The following TAF3 variants were observed in gnomAD, a reference collection of about 807,000 sequenced individuals.
TAF3 encodes the protein transcription initiation factor TFIID subunit 3.
TAF3 carries 7 observed loss-of-function variants against 80.6 expected under a neutral mutation model. The ratio of observed to expected loss-of-function variants is 0.09; its 90% CI spans 0.05 to 0.16. TAF3 has a LOEUF of 0.16. Ranked by LOEUF, TAF3 falls within the 10% of genes least tolerant of loss-of-function variation. The pLI, the probability that TAF3 is intolerant of heterozygous loss-of-function variation, is 1.00. For missense variants in TAF3, 921 were observed against 1,140.2 expected (o/e 0.81, Z 2.77); for synonymous variants, 444 against 446.1 (o/e 1.00, Z 0.06).
At position 7,830,022 on chromosome 10, in the gene TAF3, G is replaced by C. The variant is rs1588515056; in HGVS notation, c.409+5462G>C. 2.6e-5 allele frequency among the ~76,000 whole-genome samples: 4 copies of C among 152,272 alleles called. No individual in the cohort carries two copies. The East Asian group carries it at 5.8e-4, about 22-fold the overall frequency. The stretch of plus-strand genomic sequence containing the variant: ...AGTGAATTCGTTATGAAATGGAAGT[G>C]TCTCTTCACTTCCCTTCCTCCCCCT... On this transcript the variant is annotated intron_variant, in intron 2 of 6. Coordinates refer to ENST00000344293, the MANE Select transcript of TAF3 (RefSeq NM_031923.4).
intron 2 of TAF3, among the ~76,000 whole-genome samples, chr10:7,840,366 A>C (rs950650845): frequency 6.6e-6 from 1 of 151,780 alleles, no homozygotes. Context: ...GTTAGCCAGG[A>C]TGGTCTCGAT....
intron 2 of TAF3, among the ~76,000 whole-genome samples, chr10:7,845,694 G>T (rs1836962753): frequency 6.6e-6 from 1 of 152,166 alleles, no homozygotes; most frequent in South Asian, 2.1e-4. Flanking sequence ...TGAAGATGAA[G>T]AGCCTTACTC....
rs1832092857 is a variant in TAF3, at chr10:8,015,190, A to C, written c.*439A>C. 6.5e-6 allele frequency: 1 copy of C among 153,168 alleles called. No homozygotes were observed. The highest frequency in any genetic ancestry group is 2.0e-4 in the South Asian group (1 of 4,886). 9.5% of individuals were successfully genotyped at this position (153,168 alleles called of 1,614,324 possible). On this transcript the variant is annotated 3_prime_UTR_variant, in exon 7 of 7. Coordinates refer to ENST00000344293, the MANE Select transcript of TAF3 (RefSeq NM_031923.4). Reference sequence around the variant, plus strand: ...TTTTCAGCCCCTTTCCCTCTATAGTAAGATAATCAGAATAACATAAAAGAA... The same window carrying C: ...TTTTCAGCCCCTTTCCCTCTATAGTCAGATAATCAGAATAACATAAAAGAA...
At chr10:7,939,803 G>A (rs1837960436) in intron 2 of TAF3, among the ~76,000 whole-genome samples, 2 of 151,950 alleles carry the variant, frequency 1.3e-5, no homozygotes, top group African/African-American at 4.8e-5. Context: ...CGATAGGAGA[G>A]AAAAAAGTGT....
intron 2 of TAF3, among the ~76,000 whole-genome samples, chr10:7,901,151 A>G (rs1175582781): frequency 6.6e-6 from 1 of 152,246 alleles, no homozygotes; most frequent in Non-Finnish European, 1.5e-5. Context: ...TTGGCTGTCA[A>G]TGATTTTATT....
chr10:7,889,233 A>G (rs1837437593), intron 2 of TAF3, among the ~76,000 whole-genome samples: 1 of 152,116 alleles, frequency 6.6e-6, no homozygotes, highest in Admixed American at 6.6e-5. Context: ...TAGTATTGCT[A>G]GGGTTTTGTC....
intron 4 of TAF3, among the ~76,000 whole-genome samples, chr10:7,997,045 T>C (rs1441040689): frequency 6.6e-6 from 1 of 151,988 alleles, no homozygotes; most frequent in East Asian, 1.9e-4. Context: ...CTCAAGGTGG[T>C]TGGTATTTCT....
At chr10:7,933,644 A>G (rs937943443) in intron 2 of TAF3, among the ~76,000 whole-genome samples, 4 of 152,234 alleles carry the variant, frequency 2.6e-5, no homozygotes, top group African/African-American at 9.6e-5. Flanking sequence ...AATGTCCTCA[A>G]CGTTTGCACA....
rs937405100 is a variant in TAF3 at position 7,965,065 on chromosome 10, G to A, written c.1555G>A (p.Val519Met). The A allele has an allele frequency of 3.7e-6, 6 of 1,613,952 alleles. No individual in the cohort carries two copies. Among genetic ancestry groups the A allele is most frequent in the East Asian group, 2.2e-5 (1 of 44,876 alleles). The change falls in exon 3 of 7, where the codon GTG becomes ATG. Residue 519 changes from valine (V) to methionine (M), a missense_variant. Val to Met is a conservative substitution (Grantham distance 21). Transcript: ENST00000344293. ...GGAGAAAACCAAGCTGCCTTCCTCC[G>A]TGGAGGTAAAGAAGAAGTTGAAAAA... ...YEEKTKLPSSVEVKKKLKKEL... is the reference protein window; with the variant it reads ...YEEKTKLPSSMEVKKKLKKEL...
At chr10:7,977,117 A>G (rs1831680950) in intron 3 of TAF3, 124 bp from the exon 4 acceptor site, 1 of 816,006 alleles carries the variant, frequency 1.2e-6, no homozygotes, top group Non-Finnish European at 2.0e-6. Flanking sequence ...TTCTGTCTAA[A>G]TTTTAGCCAT....
intron 2 of TAF3, among the ~76,000 whole-genome samples, chr10:7,948,355 T>C (rs949925472): frequency 3.7e-4 from 57 of 152,028 alleles, no homozygotes; most frequent in Middle Eastern, 3.4e-3. Context: ...TCTTAAAGTG[T>C]TGGGATTACA....
intron 2 of TAF3, among the ~76,000 whole-genome samples, chr10:7,924,568 C>T (rs1187648506): frequency 6.6e-6 from 1 of 152,168 alleles, no homozygotes; most frequent in African/African-American, 2.4e-5. Context: ...TTAACCTTTC[C>T]TAACACGGAA....
At chr10:7,988,572 C>CA (rs58825999) in intron 4 of TAF3, among the ~76,000 whole-genome samples, 2,966 of 49,064 alleles carry the variant, frequency 0.06, 464 homozygotes, top group East Asian at 0.13. Context: ...GACCCTGTCT[C>CA]AAAAAAAAAA....
intron 1 of TAF3, among the ~76,000 whole-genome samples, chr10:7,823,011 G>A (rs1389316470): frequency 6.6e-6 from 1 of 152,026 alleles, no homozygotes; most frequent in Non-Finnish European, 1.5e-5. Context: ...TACTCAGAAG[G>A]TGAAGGTAGG....
chr10:7,952,558 A>G (rs1023522874), intron 2 of TAF3, among the ~76,000 whole-genome samples: 19 of 152,212 alleles, frequency 1.2e-4, no homozygotes, highest in African/African-American at 4.3e-4. Context: ...ATACAACAGT[A>G]TTAACATATA....
intron 2 of TAF3, among the ~76,000 whole-genome samples, chr10:7,905,415 A>G (rs1837598808): frequency 3.3e-5 from 5 of 152,220 alleles, no homozygotes; most frequent in Admixed American, 3.3e-4. Flanking sequence ...CTTTGTTTTC[A>G]TACACGATGA....
intron 1 of TAF3, among the ~76,000 whole-genome samples, chr10:7,823,922 C>T (rs1244469): frequency 0.18 from 26,983 of 150,336 alleles, 2,515 homozygotes; most frequent in South Asian, 0.26. Flanking sequence ...TGAGCCATCG[C>T]GCCCAGCTAA....
intron 2 of TAF3, among the ~76,000 whole-genome samples, chr10:7,846,010 G>C (rs1310372500): frequency 6.7e-6 from 1 of 148,588 alleles, no homozygotes; most frequent in Admixed American, 6.7e-5. Flanking sequence ...CCAGGCTGGA[G>C]TGCAGTGGCG....
chr10:7,877,385 A>G (rs1837321318), intron 2 of TAF3, among the ~76,000 whole-genome samples: 1 of 152,132 alleles, frequency 6.6e-6, no homozygotes, highest in Non-Finnish European at 1.5e-5. Context: ...TATTTTACAA[A>G]CTGTGTAAAA....
Sources: gnomAD v4.1 joint callset for allele counts (sites outside exome capture counted in the v4.1 genomes callset) on GRCh38, gnomAD v4.1.1 for gene constraint, MANE v1.5 for transcripts, NCBI Gene and HGNC (gene_info 2026-07-23, HGNC 2026-07-21) for gene names.